The following KCNIP3 variants were observed in gnomAD, a reference collection of about 807,000 sequenced individuals.
KCNIP3 encodes the protein calsenilin.
Under a neutral mutation model 35.0 loss-of-function variants are expected in KCNIP3, and 28 were observed. That is an observed-to-expected ratio of 0.80 (90% CI 0.59 to 1.10). The LOEUF (loss-of-function observed/expected upper bound fraction) is 1.10. Ranked by LOEUF, KCNIP3 falls within the 50% of genes least tolerant of loss-of-function variation. KCNIP3 has a pLI of 0.00. For synonymous variants in KCNIP3, 134 were observed against 133.8 expected (o/e 1.00, Z -0.01); for missense variants, 295 against 338.4 (o/e 0.87, Z 1.01).
At chr2:95,321,161 C>T (rs567375225) in intron 2 of KCNIP3, among the ~76,000 whole-genome samples, 2 of 151,970 alleles carry the variant, frequency 1.3e-5, no homozygotes, top group East Asian at 3.9e-4. Flanking sequence ...CTCCCCGGCA[C>T]CCCCAGCCTT....
At chr2:95,347,215 C>A in intron 2 of KCNIP3, 1 of 1,172,930 alleles carries the variant, frequency 8.5e-7, no homozygotes, top group South Asian at 1.4e-5. Context: ...GTGCACTGGT[C>A]TGGCGAGGAG....
intron 1 of KCNIP3, among the ~76,000 whole-genome samples, chr2:95,302,084 G>A (rs1356725396): frequency 2.0e-5 from 3 of 152,032 alleles, no homozygotes; most frequent in African/African-American, 7.2e-5. Context: ...ACGACACAAC[G>A]CCCACCACTG....
rs58903840 is a variant in KCNIP3, at chr2:95,384,169, TACACACACACACACACAC to T, written c.*140_*157del. On this transcript the variant is annotated 3_prime_UTR_variant, in exon 9 of 9. Transcript: ENST00000295225. ...GATTTGCAAAAAGTGAACAGATTGC[TACACACACACACACACAC>T]ACACACACACACACACACAGCCATT... is the stretch of plus-strand genomic sequence containing the variant. 7.8e-6 allele frequency: 4 copies of T among 513,308 alleles called. No homozygotes were observed. Among genetic ancestry groups the T allele is most frequent in the East Asian group, 3.4e-5 (1 of 29,522 alleles). 31.8% of individuals were successfully genotyped at this position (513,308 alleles called of 1,614,324 possible).
chr2:95,322,986 G>A (rs1320559166), intron 2 of KCNIP3, among the ~76,000 whole-genome samples: 1 of 152,234 alleles, frequency 6.6e-6, no homozygotes, highest in Non-Finnish European at 1.5e-5. Context: ...CCAGGAATTT[G>A]GGATTCTCAA....
intron 2 of KCNIP3, among the ~76,000 whole-genome samples, chr2:95,314,695 G>A (rs1379870774): frequency 2.6e-5 from 4 of 152,360 alleles, no homozygotes; most frequent in East Asian, 3.9e-4. Flanking sequence ...ATGGCCAGGC[G>A]GCCGTCCCAG....
Position 95,384,020 on chromosome 2 carries a change from T to C in KCNIP3, c.742T>C (p.Ser248Pro). ...CATGCAGGATGAGAACATCATGAGC[T>C]CCATGCAGCTGTTTGAGAATGTCAT... ...ACQKDENIMSSMQLFENVI is the reference protein window; with the variant it reads ...ACQKDENIMSPMQLFENVI Residue 248 changes from serine (S) to proline (P), a missense_variant, in exon 9 of 9, where the codon TCC becomes CCC. Transcript: ENST00000295225. 6.2e-7 allele frequency: 1 copy of C among 1,613,910 alleles called. No individual in the cohort carries two copies. The highest frequency in any genetic ancestry group is 8.5e-7 in the Non-Finnish European group (1 of 1,179,972).
chr2:95,375,277 G>T (rs115138050), intron 5 of KCNIP3, 69 bp downstream of exon 5: 1 of 1,389,766 alleles, frequency 7.2e-7, no homozygotes, highest in Admixed American at 1.7e-5. Flanking sequence ...TTACCCTGGC[G>T]TCACTGTCAG....
At chr2:95,303,796 G>A (rs1441937853) in intron 1 of KCNIP3, among the ~76,000 whole-genome samples, 1 of 152,190 alleles carries the variant, frequency 6.6e-6, no homozygotes, top group Non-Finnish European at 1.5e-5. Flanking sequence ...GCAGGTCTGA[G>A]AACCATCCGG....
chr2:95,351,721 T>C (rs1294549297), intron 2 of KCNIP3, among the ~76,000 whole-genome samples: 2 of 152,214 alleles, frequency 1.3e-5, no homozygotes, highest in Non-Finnish European at 2.9e-5. Flanking sequence ...GGCTCATGCC[T>C]GTAATCCCTG....
chr2:95,325,654 T>C (rs1286211394), intron 2 of KCNIP3, among the ~76,000 whole-genome samples: 1 of 149,380 alleles, frequency 6.7e-6, no homozygotes, highest in East Asian at 2.0e-4. Flanking sequence ...TACACACAAA[T>C]AGATACACAC....
chr2:95,345,808 C>T (rs1026918056), intron 2 of KCNIP3, among the ~76,000 whole-genome samples: 5 of 152,266 alleles, frequency 3.3e-5, no homozygotes, highest in African/African-American at 7.2e-5. Flanking sequence ...CTATTTTCTC[C>T]TTCCTTTTCG....
At chr2:95,383,838 C>G in intron 8 of KCNIP3, among the ~76,000 whole-genome samples, 164 bp from the exon 9 acceptor site, 1 of 152,288 alleles carries the variant, frequency 6.6e-6, no homozygotes, top group South Asian at 2.1e-4. Context: ...CTGGGGACCT[C>G]GGACCAGCTA....
chr2:95,338,709 C>A lies in KCNIP3; in HGVS notation c.181+28189C>A, dbSNP rs1002550823. 2.0e-5 allele frequency among the ~76,000 whole-genome samples: 3 copies of A among 152,244 alleles called. No homozygotes were observed. In the South Asian group the frequency reaches 6.2e-4, roughly 32 times the overall value. ...CAACAAGATAAGGAGTCTACTCGAG[C>A]GGAAGAAGGAGAGAGGTGACGTGAA... On this transcript the variant is annotated intron_variant, in intron 2 of 8. Coordinates refer to ENST00000295225, the MANE Select transcript of KCNIP3 (RefSeq NM_013434.5).
chr2:95,382,651 A>G lies in KCNIP3; in HGVS notation c.660+170A>G, dbSNP rs1264414294. ...TGGTTGTCAGAACCCCTGAGAAGTG[A>G]ACTACACCACTGCTCTGCCCTGTGG... On this transcript the variant is annotated intron_variant, in intron 7 of 8. Transcript: ENST00000295225. The surrounding 1 kb of genome is among the most constrained non-coding windows in gnomAD (Gnocchi z 4.5). 6.6e-6 allele frequency among the ~76,000 whole-genome samples: 1 copy of G among 152,162 alleles called. No homozygotes were observed. Among genetic ancestry groups the G allele is most frequent in the African/African-American group, 2.4e-5 (1 of 41,432 alleles).
chr2:95,366,454 A>G (rs956998585), intron 2 of KCNIP3, among the ~76,000 whole-genome samples: 13 of 152,326 alleles, frequency 8.5e-5, no homozygotes, highest in African/African-American at 1.7e-4. Context: ...GGGCATTTGT[A>G]TATACAGTTT....
At chr2:95,336,499 T>A (rs997835574) in intron 2 of KCNIP3, among the ~76,000 whole-genome samples, 5 of 152,262 alleles carry the variant, frequency 3.3e-5, no homozygotes, top group African/African-American at 1.2e-4. Flanking sequence ...AACTATGTCC[T>A]TATCTGCTTA....
intron 1 of KCNIP3, among the ~76,000 whole-genome samples, chr2:95,309,937 G>A (rs1482855170): frequency 1.3e-5 from 2 of 152,216 alleles, no homozygotes; most frequent in Non-Finnish European, 2.9e-5. Context: ...GAGTGAGGGA[G>A]CCAGACGTGG....
At chr2:95,300,329 C>T (rs1414515535) in intron 1 of KCNIP3, among the ~76,000 whole-genome samples, 3 of 152,202 alleles carry the variant, frequency 2.0e-5, no homozygotes, top group Admixed American at 6.5e-5. Flanking sequence ...ATTCAGGCTG[C>T]CTTGTCTTAT....
At position 95,377,669 on chromosome 2, in the gene KCNIP3, G is replaced by A. The variant is rs1263782856; in HGVS notation, c.447+2461G>A. Among the ~76,000 whole-genome samples, 5 of 152,204 alleles carry A rather than the reference G, an allele frequency of 3.3e-5. No individual in the cohort carries two copies. The highest frequency in any genetic ancestry group is 2.1e-4 in the South Asian group (1 of 4,830). ...TATGGCCAAGGAATTTAGAACCAGC[G>A]TGCACTCAGACATGGGCTGGCTGGA... On this transcript the variant is annotated intron_variant, in intron 5 of 8. Transcript: ENST00000295225. This position sits in a 1 kb window ranked among gnomAD's most constrained non-coding sequence, Gnocchi z 4.7.
Sources: allele counts gnomAD v4.1 joint callset (sites outside exome capture counted in the v4.1 genomes callset), GRCh38; gene constraint gnomAD v4.1.1; non-coding constraint Gnocchi (gnomAD v3.1); transcripts MANE v1.5; gene names NCBI Gene and HGNC (gene_info 2026-07-23, HGNC 2026-07-21).